The following MGP variants were observed in gnomAD, a reference collection of about 807,000 sequenced individuals.
MGP encodes the protein matrix Gla protein.
In MGP, 13 loss-of-function variants were observed where a neutral mutation model predicts 14.5. The ratio of observed to expected loss-of-function variants is 0.89; its 90% CI spans 0.58 to 1.42. The LOEUF is 1.42. Among genes scored for constraint, MGP ranks in the 40% most tolerant of loss-of-function variants. MGP has a pLI of 0.00. For synonymous variants in MGP, 44 were observed against 46.3 expected (o/e 0.95, Z 0.20); for missense variants, 128 against 133.7 (o/e 0.96, Z 0.21).
chr12:14,885,611 G>A, intron 1 of MGP, 120 bp downstream of exon 1: 1 of 767,160 alleles, frequency 1.3e-6, no homozygotes, highest in South Asian at 1.5e-5. Flanking sequence ...GAAAGTAATG[G>A]TACTTTAAGA....
intron 1 of MGP, 63 bp downstream of exon 1, chr12:14,885,668 A>AGAAGTAAGCC: frequency 7.7e-7 from 1 of 1,292,046 alleles, no homozygotes; most frequent in Non-Finnish European, 1.1e-6. Flanking sequence ...GAGGAAAAAT[A>AGAAGTAAGCC]GAAGTAAGCC....
intron 1 of MGP, chr12:14,884,695 A>T (rs1863419558): frequency 1.3e-6 from 1 of 745,770 alleles, no homozygotes; most frequent in Middle Eastern, 2.5e-4. Flanking sequence ...AGAGAACTAC[A>T]GGGCAGTTGC....
At chr12:14,885,461 T>C (rs1863427954) in intron 1 of MGP, among the ~76,000 whole-genome samples, 1 of 152,246 alleles carries the variant, frequency 6.6e-6, no homozygotes, top group African/African-American at 2.4e-5. Context: ...TGGTATCTTC[T>C]TTCTGAAATA....
intron 2 of MGP, chr12:14,883,537 G>T: frequency 5.2e-6 from 1 of 191,922 alleles, no homozygotes; most frequent in South Asian, 9.8e-5. Context: ...GGTGGCTCAT[G>T]CCTGTAATCC....
intron 2 of MGP, 116 bp downstream of exon 2, chr12:14,884,097 C>T: frequency 2.4e-6 from 2 of 845,358 alleles, no homozygotes; most frequent in Non-Finnish European, 1.8e-6. Context: ...TTTAGTTTTC[C>T]AAAAGAGGCC....
At chr12:14,884,744 C>A in intron 1 of MGP, 1 of 1,412,238 alleles carries the variant, frequency 7.1e-7, no homozygotes. Context: ...AAGAGGGTTC[C>A]GAAAGCCTCT....
chr12:14,883,224 A>G, intron 2 of MGP, 177 bp from the exon 3 acceptor site: 1 of 603,596 alleles, frequency 1.7e-6, no homozygotes, highest in Middle Eastern at 4.4e-4. Context: ...TCCTGATCAA[A>G]TGAAATCAGT....
At chr12:14,883,321 A>G in intron 2 of MGP, 1 of 416,056 alleles carries the variant, frequency 2.4e-6, no homozygotes, top group Non-Finnish European at 4.5e-6. Context: ...TAATTTCTGT[A>G]TTTCTACTTG....
chr12:14,885,223 G>A (rs1863426123), intron 1 of MGP, among the ~76,000 whole-genome samples: 2 of 152,146 alleles, frequency 1.3e-5, no homozygotes, highest in African/African-American at 4.8e-5. Context: ...TTATGAAAAT[G>A]ATTCTTTTCT....
rs1487464481 is a variant in MGP, at chr12:14,882,043, A to G, written c.*96T>C. The G allele has an allele frequency of 6.9e-7, 1 of 1,445,364 alleles. No homozygotes were observed. The highest frequency in any genetic ancestry group is 9.7e-7 in the Non-Finnish European group (1 of 1,029,016). 89.5% of individuals were successfully genotyped at this position (1,445,364 alleles called of 1,614,324 possible). A position where few individuals can be genotyped will look rare whatever the true frequency, so the allele number is the denominator to read the frequency against. ...AGAATATACAGGAAAGAAGCATTGT[A>G]TATAAGCCTATGTATTTCTGTAATG... is the stretch of plus-strand genomic sequence containing the variant. On this transcript the variant is annotated 3_prime_UTR_variant, in exon 4 of 4. Coordinates refer to ENST00000539261, the MANE Select transcript of MGP (RefSeq NM_000900.5).
chr12:14,884,361 G>A, intron 1 of MGP, 116 bp from the exon 2 acceptor site: 1 of 712,442 alleles, frequency 1.4e-6, no homozygotes, highest in Non-Finnish European at 2.2e-6. Context: ...GAAGAGGAAA[G>A]AGTCTAAAAA....
In MGP at chr12:14,882,283, A is replaced by G. The variant is rs764637672; in HGVS notation, c.171-3T>C. The G allele has an allele frequency of 4.2e-5, 68 of 1,613,960 alleles. No homozygotes were observed. The highest frequency in any genetic ancestry group is 1.3e-5 in the African/African-American group (1 of 74,908). ...CAGGCTTAGAGCGTTCTCGGATCCT[A>G]GAAAGTGGAAGAAGAGGCCAAAATT... is the stretch of plus-strand genomic sequence containing the variant. On this transcript the variant is annotated splice_region_variant and splice_polypyrimidine_tract_variant and intron_variant, in intron 3 of 3. Coordinates refer to ENST00000539261, the MANE Select transcript of MGP (RefSeq NM_000900.5).
At chr12:14,882,393 A>C in intron 3 of MGP, 113 bp from the exon 4 acceptor site, 1 of 1,326,668 alleles carries the variant, frequency 7.5e-7, no homozygotes, top group African/African-American at 1.5e-5. Context: ...CCCTATATTA[A>C]GAGATATTTA....
chr12:14,884,089 T>C, intron 2 of MGP, 124 bp downstream of exon 2: 1 of 787,848 alleles, frequency 1.3e-6, no homozygotes, highest in South Asian at 2.0e-5. Context: ...AAATTTACTT[T>C]AGTTTTCCAA....
In MGP at chr12:14,882,260, G is replaced by A; in HGVS notation, c.191C>T (p.Pro64Leu). 1 of 1,614,106 alleles carries A rather than the reference G, an allele frequency of 6.2e-7. No individual in the cohort carries two copies. Among genetic ancestry groups the A allele is most frequent in the South Asian group, 1.1e-5 (1 of 91,082 alleles). Residue 64 changes from proline to leucine, a missense_variant, in exon 4 of 4, where the codon CCT becomes CTT. Transcript: ENST00000539261. ...VQERIRERSKPVHELNREACD... is the reference protein window; with the variant it reads ...VQERIRERSKLVHELNREACD... ...GGCTTCCCTATTGAGCTCGTGGACA[G>A]GCTTAGAGCGTTCTCGGATCCTAGA...
intron 1 of MGP, among the ~76,000 whole-genome samples, 192 bp from the exon 2 acceptor site, chr12:14,884,437 T>G (rs569038402): frequency 3.6e-4 from 55 of 152,276 alleles, no homozygotes; most frequent in African/African-American, 1.3e-3. Flanking sequence ...ATGAGGTTTT[T>G]CTCTAGCTCT....
chr12:14,885,651 G>A, intron 1 of MGP, 80 bp downstream of exon 1: 2 of 995,834 alleles, frequency 2.0e-6, no homozygotes, highest in East Asian at 2.5e-5. Context: ...AAGAAGAGGA[G>A]GAGGGAGAGG....
intron 2 of MGP, 34 bp from the exon 3 acceptor site, chr12:14,883,081 C>A (rs369540241): frequency 5.6e-6 from 8 of 1,429,042 alleles, no homozygotes; most frequent in Non-Finnish European, 7.9e-6. Flanking sequence ...GCAGTTTTAG[C>A]GACACATAGC....
Position 14,881,697 on chromosome 12 carries a change from A to G in MGP, c.*442T>C, listed in dbSNP as rs1863374794. The G allele has an allele frequency of 5.9e-6, 1 of 169,806 alleles. No individual in the cohort carries two copies. The allele number at this position is 169,806 out of a possible 1,614,324, so 10.5% of individuals were successfully genotyped here. A position where few individuals can be genotyped will look rare whatever the true frequency, so the allele number is the denominator to read the frequency against. On this transcript the variant is annotated 3_prime_UTR_variant, in exon 4 of 4. Transcript: ENST00000539261. ...TCCTGCAAAAAACATACCAGATTCC[A>G]TTCACGGATTCCAAGGTAGAGAGGG... is the stretch of plus-strand genomic sequence containing the variant.
Sources: allele counts gnomAD v4.1 joint callset (sites outside exome capture counted in the v4.1 genomes callset), GRCh38; gene constraint gnomAD v4.1.1; transcripts MANE v1.5; gene names NCBI Gene and HGNC (gene_info 2026-07-23, HGNC 2026-07-21).